The following TSN variants were observed in gnomAD, a reference collection of about 807,000 sequenced individuals.
TSN encodes the protein component 3 of promoter of RISC.
In TSN, 5 loss-of-function variants were observed where a neutral mutation model predicts 29.4. That is an observed-to-expected ratio of 0.17 (90% CI 0.09 to 0.36). TSN has a LOEUF of 0.36. Among genes scored for constraint, TSN ranks in the 10% least tolerant of loss-of-function variants. TSN has a pLI of 1.00. For synonymous variants in TSN, 106 were observed against 102.2 expected, an observed-to-expected ratio of 1.04 and a Z score of -0.23; for missense variants, 159 against 272.8, an observed-to-expected ratio of 0.58 and a Z score of 2.94.
chr2:121,760,783 T>G (rs2074814952), intron 3 of TSN, among the ~76,000 whole-genome samples: 1 of 152,202 alleles, frequency 6.6e-6, no homozygotes, highest in East Asian at 1.9e-4. Flanking sequence ...TTTTATTTTT[T>G]TCAGAGCAGT....
chr2:121,765,620 A>C lies in TSN; in HGVS notation c.*253A>C, dbSNP rs921276356. 4.0e-6 allele frequency: 2 copies of C among 505,676 alleles called. No homozygotes were observed. Among genetic ancestry groups the C allele is most frequent in the African/African-American group, 3.8e-5 (2 of 52,088 alleles). 31.3% of individuals were successfully genotyped at this position (505,676 alleles called of 1,614,324 possible). A position where few individuals can be genotyped will look rare whatever the true frequency, so the allele number is the denominator to read the frequency against. ...TCAGTGTATTTCAGTTCCGTCAGAA[A>C]GTGTAAATGTTAGTTTCTTGGTAAA... On this transcript the variant is annotated 3_prime_UTR_variant, in exon 6 of 6. Coordinates refer to ENST00000389682, the MANE Select transcript of TSN (RefSeq NM_004622.3).
At chr2:121,763,392 A>G (rs544564390) in intron 5 of TSN, among the ~76,000 whole-genome samples, 9 of 152,038 alleles carry the variant, frequency 5.9e-5, no homozygotes, top group East Asian at 1.9e-4. Context: ...TGATCCGCCC[A>G]CCTTGGCCTC....
Position 121,765,445 on chromosome 2 carries a change from G to A in TSN, c.*78G>A. 1.5e-6 allele frequency: 2 copies of A among 1,316,420 alleles called. No homozygotes were observed. The highest frequency in any genetic ancestry group is 2.2e-6 in the Non-Finnish European group (2 of 925,310). 81.5% of individuals were successfully genotyped at this position (1,316,420 alleles called of 1,614,324 possible). On this transcript the variant is annotated 3_prime_UTR_variant, in exon 6 of 6. Coordinates refer to ENST00000389682, the MANE Select transcript of TSN (RefSeq NM_004622.3). ...TGAGCACAGAGTGCCTCTTACGGTA[G>A]TTAGGATGCTCAGTTGCTAAACACT...
At chr2:121,761,226 G>A (rs1007781436) in intron 3 of TSN, among the ~76,000 whole-genome samples, 183 bp from the exon 4 acceptor site, 3 of 152,088 alleles carry the variant, frequency 2.0e-5, no homozygotes, top group African/African-American at 7.2e-5. Context: ...AAACTTAATT[G>A]TTATAAATTC....
chr2:121,756,643 G>T, intron 1 of TSN: 1 of 1,297,908 alleles, frequency 7.7e-7, no homozygotes, highest in Non-Finnish European at 1.0e-6. Context: ...GGCGCCTCAT[G>T]CCTGTAATTC....
intron 1 of TSN, 160 bp downstream of exon 1, chr2:121,756,005 A>G: frequency 3.5e-6 from 5 of 1,439,862 alleles, no homozygotes; most frequent in Non-Finnish European, 4.6e-6. Context: ...CCCCCGCCCA[A>G]AATTTTGCTG....
At position 121,765,349 on chromosome 2, in the gene TSN, A is replaced by G; in HGVS notation, c.669A>G (p.Ala223=). ...GGGGCTTTAATAAGGAGACGGCAGC[A>G]GCTTGTGTTGAAAAATAGGAGGCTC... ...SIRGFNKETA[A]ACVEK Residue 223 remains alanine (A), a synonymous_variant, in exon 6 of 6, where the codon GCA becomes GCG. Coordinates refer to ENST00000389682, the MANE Select transcript of TSN (RefSeq NM_004622.3). The G allele has an allele frequency of 6.2e-7, 1 of 1,614,200 alleles. No homozygotes were observed.
Position 121,765,668 on chromosome 2 carries a change from C to G in TSN, c.*301C>G. The G allele has an allele frequency of 2.5e-6, 1 of 400,284 alleles. No homozygotes were observed. 24.8% of individuals were successfully genotyped at this position (400,284 alleles called of 1,614,324 possible). ...AAAGTCCTTTTCTTGCTTACCTTGA[C>G]TGTTGATGTACTGATTGAGAAGTTC... On this transcript the variant is annotated 3_prime_UTR_variant, in exon 6 of 6. Transcript: ENST00000389682.
Position 121,765,445 on chromosome 2 carries a change from GT to G in TSN, c.*80del. On this transcript the variant is annotated 3_prime_UTR_variant, in exon 6 of 6. Coordinates refer to ENST00000389682, the MANE Select transcript of TSN (RefSeq NM_004622.3). ...TGAGCACAGAGTGCCTCTTACGGTA[GT>G]TAGGATGCTCAGTTGCTAAACACTG... 7.6e-7 allele frequency: 1 copy of G among 1,316,418 alleles called. No individual in the cohort carries two copies. Among genetic ancestry groups the G allele is most frequent in the Non-Finnish European group, 1.1e-6 (1 of 925,308 alleles). The allele number at this position is 1,316,418 out of a possible 1,614,324, so 81.5% of individuals were successfully genotyped here. A position where few individuals can be genotyped will look rare whatever the true frequency, so the allele number is the denominator to read the frequency against.
In TSN at chr2:121,766,913, G is replaced by T. The variant is rs1420360549; in HGVS notation, c.*1546G>T. Reference sequence around the variant, plus strand: ...TGAGGCATGAGTTACTGTGCATTGGGATTTTAGAACAATTTTCTTGTGACA... The same window carrying T: ...TGAGGCATGAGTTACTGTGCATTGGTATTTTAGAACAATTTTCTTGTGACA... On this transcript the variant is annotated 3_prime_UTR_variant, in exon 6 of 6. Transcript: ENST00000389682. The T allele has an allele frequency of 1.3e-5, 2 of 152,140 alleles. No individual in the cohort carries two copies. The highest frequency in any genetic ancestry group is 6.6e-5 in the Admixed American group (1 of 15,256). 9.4% of individuals were successfully genotyped at this position (152,140 alleles called of 1,614,324 possible). A position where few individuals can be genotyped will look rare whatever the true frequency, so the allele number is the denominator to read the frequency against.
intron 5 of TSN, among the ~76,000 whole-genome samples, chr2:121,764,342 C>G (rs1245374396): frequency 1.3e-5 from 2 of 151,930 alleles, no homozygotes; most frequent in Non-Finnish European, 2.9e-5. Flanking sequence ...CAGTCGCTTA[C>G]GCTTGTAATG....
intron 2 of TSN, chr2:121,757,651 T>A (rs1186436096): frequency 8.4e-6 from 2 of 237,840 alleles, no homozygotes; most frequent in Admixed American, 5.4e-5. Context: ...TTTATTATTA[T>A]TTTTTTAATT....
At position 121,761,518 on chromosome 2, in the gene TSN, C is replaced by A. The variant is rs745728056; in HGVS notation, c.367C>A (p.Leu123Ile). 1.2e-6 allele frequency: 2 copies of A among 1,612,904 alleles called. No homozygotes were observed. Among genetic ancestry groups the A allele is most frequent in the Non-Finnish European group, 1.7e-6 (2 of 1,178,904 alleles). The change falls in exon 4 of 6, where the codon CTT becomes ATT. Residue 123 changes from leucine to isoleucine, a missense_variant. This residue lies in a region of TSN where 85 missense variants were observed against 178.1 expected (regional missense o/e 0.48). Coordinates refer to ENST00000389682, the MANE Select transcript of TSN (RefSeq NM_004622.3). The part of the protein sequence containing the change: ...LVTREAVTEI[L>I]GIEPDREKGF... The stretch of plus-strand genomic sequence containing the variant: ...GACTCGAGAAGCAGTTACAGAAATT[C>A]TTGGCAGTAAGTGTCTTTATTAGTG...
Position 121,758,773 on chromosome 2 carries a change from T to C in TSN, c.224T>C (p.Leu75Ser). Residue 75 changes from leucine to serine, a missense_variant, in exon 3 of 6, where the codon TTG becomes TCG. Transcript: ENST00000389682. ...ACAGTAAAAACACATCTAACATCTT[T>C]GAAGACCAAATTTCCTGCTGAACAG... ...FGTVKTHLTS[L>S]KTKFPAEQYY... 1 of 1,595,076 alleles carries C rather than the reference T, an allele frequency of 6.3e-7. No individual in the cohort carries two copies. The highest frequency in any genetic ancestry group is 8.5e-7 in the Non-Finnish European group (1 of 1,172,336).
chr2:121,758,902 C>A, intron 3 of TSN, 96 bp downstream of exon 3: 3 of 783,898 alleles, frequency 3.8e-6, no homozygotes, highest in Non-Finnish European at 1.8e-6. Context: ...GGCAAACATC[C>A]TGTGTAGAAG....
In TSN at chr2:121,755,678, GGCGGTAGCGGCGGCCGTT is replaced by G; in HGVS notation, c.-98_-81del. On this transcript the variant is annotated 5_prime_UTR_variant, in exon 1 of 6. Transcript: ENST00000389682. ...TCGTGGCGTAAGACCGGGGGGACGCGGCGGTAGCGGCGGCCGTTGCGATTGATTGCGCTGGTTGCCTGC... is the reference window on the plus strand; with the variant it reads ...TCGTGGCGTAAGACCGGGGGGACGCGGCGATTGATTGCGCTGGTTGCCTGC... 1 of 1,482,218 alleles carries G rather than the reference GGCGGTAGCGGCGGCCGTT, an allele frequency of 6.7e-7. No homozygotes were observed. The highest frequency in any genetic ancestry group is 9.3e-7 in the Non-Finnish European group (1 of 1,079,974). 91.8% of individuals were successfully genotyped at this position (1,482,218 alleles called of 1,614,324 possible). A position where few individuals can be genotyped will look rare whatever the true frequency, so the allele number is the denominator to read the frequency against.
intron 3 of TSN, 42 bp downstream of exon 3, chr2:121,758,848 A>G (rs772244703): frequency 9.7e-6 from 13 of 1,334,784 alleles, no homozygotes; most frequent in Non-Finnish European, 1.2e-5. Context: ...GTTAAGTAAA[A>G]AAAAGGAGAA....
At chr2:121,762,473 G>A (rs539519313) in intron 4 of TSN, among the ~76,000 whole-genome samples, 3 of 152,272 alleles carry the variant, frequency 2.0e-5, no homozygotes, top group African/African-American at 7.2e-5. Context: ...GCAGAGGGCC[G>A]ACTCTACCTG....
chr2:121,763,138 T>TG, intron 5 of TSN, 54 bp downstream of exon 5: 4 of 282,424 alleles, frequency 1.4e-5, no homozygotes, highest in East Asian at 1.2e-4. Flanking sequence ...TCACTGTCAG[T>TG]TTTTTTTTTT....
Sources: gnomAD v4.1 joint callset for allele counts (sites outside exome capture counted in the v4.1 genomes callset) on GRCh38, gnomAD v4.1.1 for gene constraint, gnomAD v4.1.1 regional missense constraint, MANE v1.5 for transcripts, NCBI Gene and HGNC (gene_info 2026-07-23, HGNC 2026-07-21) for gene names.